Variants in TMEM232 observed in about 807,000 individuals in gnomAD.
The protein encoded by TMEM232 is transmembrane protein 232.
TMEM232 carries 80 observed loss-of-function variants against 78.8 expected under a neutral mutation model. The ratio of observed to expected loss-of-function variants is 1.01; its 90% CI spans 0.85 to 1.22. The LOEUF (loss-of-function observed/expected upper bound fraction) is 1.22, where lower values mean the gene tolerates loss of function less well. Among genes scored for constraint, TMEM232 ranks in the 50% most tolerant of loss-of-function variants. The pLI is 0.00. For synonymous variants in TMEM232, 297 were observed against 254.3 expected, an observed-to-expected ratio of 1.17 and a Z score of -1.60; for missense variants, 881 against 742.2, an observed-to-expected ratio of 1.19 and a Z score of -2.17.
At chr5:110,731,741 G>A (rs1490584994) in intron 2 of TMEM232, among the ~76,000 whole-genome samples, 2 of 152,208 alleles carry the variant, frequency 1.3e-5, no homozygotes, top group African/African-American at 4.8e-5. Context: ...TTCCTCCTGG[G>A]CCTCTAGGCC....
chr5:110,544,454 A>T (rs1302645082), intron 11 of TMEM232, among the ~76,000 whole-genome samples: 1 of 151,844 alleles, frequency 6.6e-6, no homozygotes, highest in Non-Finnish European at 1.5e-5. Flanking sequence ...AAAAAAAAAA[A>T]AAAAAGCCTT....
chr5:110,557,737 G>A (rs1775273032), intron 11 of TMEM232, among the ~76,000 whole-genome samples: 1 of 152,066 alleles, frequency 6.6e-6, no homozygotes, highest in African/African-American at 2.4e-5. Flanking sequence ...CTAGGGGGAT[G>A]GTGTTAAACT....
intron 10 of TMEM232, among the ~76,000 whole-genome samples, chr5:110,595,624 A>T (rs1383257298): frequency 1.3e-5 from 2 of 152,242 alleles, no homozygotes; most frequent in Admixed American, 6.5e-5. Flanking sequence ...AACTTTGTGA[A>T]GCATACACAA....
chr5:110,708,451 G>C (rs1050889477), intron 1 of TMEM232, among the ~76,000 whole-genome samples: 6 of 152,044 alleles, frequency 3.9e-5, no homozygotes, highest in Non-Finnish European at 7.4e-5. Flanking sequence ...GAATATTATA[G>C]CATTGTAATC....
chr5:110,627,842 G>A lies in TMEM232; in HGVS notation c.540C>T (p.Phe180=). Residue 180 remains phenylalanine (F), a synonymous_variant, in exon 6 of 14, where the codon TTC becomes TTT. Coordinates refer to ENST00000455884, the MANE Select transcript of TMEM232 (RefSeq NM_001039763.4). ...YLVFLRLFIF[F]LHGHLESFKQ... ...TAAAACTTTCTAGATGACCATGCAG[G>A]AAAAATATAAAAAGTCGTAAGAAGA... 6.5e-7 allele frequency: 1 copy of A among 1,537,318 alleles called. No individual in the cohort carries two copies. The highest frequency in any genetic ancestry group is 8.7e-7 in the Non-Finnish European group (1 of 1,143,322).
At chr5:110,670,741 T>A (rs1185067708) in intron 1 of TMEM232, among the ~76,000 whole-genome samples, 1 of 152,106 alleles carries the variant, frequency 6.6e-6, no homozygotes, top group African/African-American at 2.4e-5. Context: ...CAGGCATTTA[T>A]TTTTCTTTAA....
chr5:110,665,402 T>C (rs1230195846), intron 2 of TMEM232, among the ~76,000 whole-genome samples: 3 of 152,144 alleles, frequency 2.0e-5, no homozygotes, highest in Non-Finnish European at 4.4e-5. Flanking sequence ...GACTTGAGAC[T>C]GGGTAATTTA....
intron 12 of TMEM232, among the ~76,000 whole-genome samples, chr5:110,502,054 T>C (rs907299976): frequency 1.3e-5 from 2 of 151,690 alleles, no homozygotes; most frequent in Admixed American, 6.6e-5. Context: ...AGTGTTTCTG[T>C]CTGTTTTTGG....
chr5:110,724,911 G>A lies in TMEM232; in HGVS notation c.-13+1716C>T, dbSNP rs115676052. ...GTAAGAAGCTAGTAATCCTAAAGTC[G>A]ATATAGATTTAGCAAGTGATTTATT... On this transcript the variant is annotated intron_variant, in intron 1 of 13. Transcript: ENST00000455884. 8.5e-3 allele frequency among the ~76,000 whole-genome samples: 1,293 copies of A among 152,164 alleles called. 15 individuals are homozygous for A. The highest frequency in any genetic ancestry group is 0.029 in the African/African-American group (1,219 of 41,510).
intron 12 of TMEM232, among the ~76,000 whole-genome samples, chr5:110,471,501 C>T (rs534530690): frequency 6.6e-6 from 1 of 151,688 alleles, no homozygotes; most frequent in Non-Finnish European, 1.5e-5. Context: ...ATTTTAAAGA[C>T]AGCAAGAAAA....
intron 1 of TMEM232, among the ~76,000 whole-genome samples, chr5:110,736,437 C>CTA (rs1799175460): frequency 6.6e-6 from 1 of 152,122 alleles, no homozygotes; most frequent in Non-Finnish European, 1.5e-5. Flanking sequence ...CAAGCCCGTG[C>CTA]TCAGACATAA....
At chr5:110,552,949 T>TC (rs1393529171) in intron 11 of TMEM232, among the ~76,000 whole-genome samples, 4 of 152,128 alleles carry the variant, frequency 2.6e-5, no homozygotes, top group Non-Finnish European at 5.9e-5. Context: ...GTTTCAGTCT[T>TC]CTGCATATAG....
chr5:110,502,489 C>T (rs780894783), intron 12 of TMEM232, among the ~76,000 whole-genome samples: 1 of 152,306 alleles, frequency 6.6e-6, no homozygotes, highest in Middle Eastern at 3.4e-3. Flanking sequence ...AAAGAAACAT[C>T]AGTTTAGCTC....
chr5:110,496,158 TA>T (rs1044860614), intron 12 of TMEM232, among the ~76,000 whole-genome samples: 38 of 152,016 alleles, frequency 2.5e-4, no homozygotes, highest in Non-Finnish European at 5.0e-4. Flanking sequence ...GTGATAGTTT[TA>T]TTTTGTAGGT....
At chr5:110,550,587 A>G (rs1419928979) in intron 11 of TMEM232, among the ~76,000 whole-genome samples, 2 of 151,956 alleles carry the variant, frequency 1.3e-5, no homozygotes, top group Non-Finnish European at 2.9e-5. Flanking sequence ...AACAAATTCT[A>G]TATATGCATA....
chr5:110,587,200 A>G (rs1158578061), intron 10 of TMEM232, among the ~76,000 whole-genome samples: 1 of 152,020 alleles, frequency 6.6e-6, no homozygotes, highest in African/African-American at 2.4e-5. Context: ...ACACATATAT[A>G]CATATACACC....
chr5:110,407,713 G>A (rs1424918198), intron 2 of TMEM232, among the ~76,000 whole-genome samples: 1 of 152,160 alleles, frequency 6.6e-6, no homozygotes, highest in Admixed American at 6.5e-5. Context: ...TGCAACTGCT[G>A]CAGAATACGC....
chr5:110,674,507 T>C (rs1416480464), intron 1 of TMEM232, among the ~76,000 whole-genome samples: 1 of 152,236 alleles, frequency 6.6e-6, no homozygotes, highest in African/African-American at 2.4e-5. Flanking sequence ...TTTCTGAATA[T>C]GTATGTCTAA....
intron 12 of TMEM232, 129 bp from the exon 13 acceptor site, chr5:110,425,045 G>T (rs1272970943): frequency 2.7e-6 from 2 of 731,738 alleles, no homozygotes; most frequent in East Asian, 5.6e-5. Flanking sequence ...TAAAGTATTT[G>T]TGTAGACTAT....
Sources: allele counts gnomAD v4.1 joint callset (sites outside exome capture counted in the v4.1 genomes callset), GRCh38; gene constraint gnomAD v4.1.1; transcripts MANE v1.5; gene names NCBI Gene and HGNC (gene_info 2026-07-23, HGNC 2026-07-21).